MGLL: variants seen among roughly 807,000 people sequenced by gnomAD.
MGLL encodes lysophospholipase homolog.
Under a neutral mutation model 29.1 loss-of-function variants are expected in MGLL, and 7 were observed. The ratio of observed to expected loss-of-function variants is 0.24; its 90% CI spans 0.14 to 0.45. The LOEUF (loss-of-function observed/expected upper bound fraction) is 0.45. Among genes scored for constraint, MGLL ranks in the 20% least tolerant of loss-of-function variants. The pLI is 0.99. For missense variants in MGLL, 356 were observed against 413.6 expected, an observed-to-expected ratio of 0.86 and a Z score of 1.21; for synonymous variants, 148 against 168.3, an observed-to-expected ratio of 0.88 and a Z score of 0.93.
In MGLL at chr3:127,821,841, A is replaced by G. The variant is rs770375280; in HGVS notation, c.11-3T>C. On this transcript the variant is annotated splice_polypyrimidine_tract_variant and splice_region_variant and intron_variant, in intron 1 of 7. Coordinates refer to ENST00000265052, the MANE Select transcript of MGLL (RefSeq NM_007283.7). ...CATGCTGGAAGGGTCTTCAGGTCCT[A>G]GAAGGAAAAGTGACATATTCCAAAG... 1 of 1,613,234 alleles carries G rather than the reference A, an allele frequency of 6.2e-7. No homozygotes were observed. The highest frequency in any genetic ancestry group is 1.1e-5 in the South Asian group (1 of 91,044).
At chr3:127,748,635 A>G (rs962931067) in intron 3 of MGLL, among the ~76,000 whole-genome samples, 1 of 151,596 alleles carries the variant, frequency 6.6e-6, no homozygotes, top group Non-Finnish European at 1.5e-5. Flanking sequence ...GGACACAGGG[A>G]GAAGACGGCC....
At chr3:127,730,027 T>A (rs1359351855) in intron 3 of MGLL, among the ~76,000 whole-genome samples, 2 of 152,216 alleles carry the variant, frequency 1.3e-5, no homozygotes, top group Non-Finnish European at 2.9e-5. Context: ...CTCCTTCACA[T>A]AGCGGTTAAA....
chr3:127,779,226 G>T (rs2077084479), intron 3 of MGLL, among the ~76,000 whole-genome samples: 1 of 152,102 alleles, frequency 6.6e-6, no homozygotes, highest in African/African-American at 2.4e-5. Context: ...AATTAGCCGG[G>T]CATAGTGGCA....
chr3:127,788,568 AC>A (rs916614279), intron 2 of MGLL, among the ~76,000 whole-genome samples: 2 of 151,730 alleles, frequency 1.3e-5, no homozygotes, highest in Non-Finnish European at 2.9e-5. Flanking sequence ...CCCCTACCCT[AC>A]CCTGTACTGC....
chr3:127,695,874 TG>T (rs2075350236), intron 6 of MGLL, among the ~76,000 whole-genome samples: 1 of 152,274 alleles, frequency 6.6e-6, no homozygotes, highest in Non-Finnish European at 1.5e-5. Context: ...ACTTGATTTT[TG>T]TTCTCTGTCT....
chr3:127,815,510 G>C (rs890669091), intron 2 of MGLL, among the ~76,000 whole-genome samples: 1 of 152,206 alleles, frequency 6.6e-6, no homozygotes, highest in South Asian at 2.1e-4. Flanking sequence ...GCCATGACGC[G>C]GCCTTCTTTG....
At chr3:127,756,854 G>A (rs1457499253) in intron 3 of MGLL, among the ~76,000 whole-genome samples, 1 of 152,104 alleles carries the variant, frequency 6.6e-6, no homozygotes. Flanking sequence ...AAACCACCAT[G>A]GCTGCTACCC....
intron 6 of MGLL, among the ~76,000 whole-genome samples, chr3:127,710,228 C>G (rs1433622559): frequency 2.0e-5 from 3 of 152,196 alleles, no homozygotes; most frequent in Non-Finnish European, 1.5e-5. Context: ...GCCCTGGATC[C>G]AGCCATGTCT....
At chr3:127,724,438 C>G (rs1447998815) in intron 3 of MGLL, among the ~76,000 whole-genome samples, 3 of 152,132 alleles carry the variant, frequency 2.0e-5, no homozygotes, top group Non-Finnish European at 4.4e-5. Context: ...GTGGATGGAC[C>G]ATGTTGTGTT....
intron 2 of MGLL, among the ~76,000 whole-genome samples, chr3:127,797,711 G>A (rs565753595): frequency 1.3e-5 from 2 of 152,248 alleles, no homozygotes; most frequent in South Asian, 2.1e-4. Context: ...GGGCTCAAGC[G>A]GTCCTCCCAC....
upstream of MGLL, chr3:127,822,923 A>ACGCGCGCACACTCGGACACGCG (rs2077891153): frequency 6.4e-6 from 1 of 155,292 alleles, no homozygotes; most frequent in Non-Finnish European, 1.4e-5. Flanking sequence ...GCGCGCGCAC[A>ACGCGCGCACACTCGGACACGCG]CGCGCGCACA....
At chr3:127,694,284 A>ATATATATATAT (rs1181255759) in intron 7 of MGLL, among the ~76,000 whole-genome samples, 1 of 106,046 alleles carries the variant, frequency 9.4e-6, no homozygotes, top group African/African-American at 3.3e-5. Context: ...AAAAAAAAAA[A>ATATATATATAT]AAATATATAT....
intron 3 of MGLL, among the ~76,000 whole-genome samples, chr3:127,747,735 G>A (rs961959236): frequency 2.0e-5 from 3 of 152,300 alleles, no homozygotes; most frequent in South Asian, 2.1e-4. Flanking sequence ...CTTGAGACAG[G>A]AGCTTCCACG....
Position 127,783,409 on chromosome 3 carries a change from G to A in MGLL, c.156-1514C>T, listed in dbSNP as rs996251382. ...TGCTGACCGTCACTCTGGTTCTCTA[G>A]TTGCCTGCCTGCTTCCTGATGCCCC... On this transcript the variant is annotated intron_variant, in intron 2 of 7. Coordinates refer to ENST00000265052, the MANE Select transcript of MGLL (RefSeq NM_007283.7). Among the ~76,000 whole-genome samples, 10 of 152,196 alleles carry A rather than the reference G, an allele frequency of 6.6e-5. 1 individual carries two copies. The South Asian group carries it at 2.1e-3, about 32-fold the overall frequency.
Position 127,761,301 on chromosome 3 carries a change from C to T in MGLL, c.262+20488G>A, listed in dbSNP as rs1350744835. Among the ~76,000 whole-genome samples the T allele has an allele frequency of 6.6e-6, 1 of 152,134 alleles. No individual in the cohort carries two copies. The highest frequency in any genetic ancestry group is 1.5e-5 in the Non-Finnish European group (1 of 67,962). ...CACTTTCCAGGGCCCACTGGGCAAA[C>T]TGGCTTCTCCCCTGCTGCTGTGTCT... On this transcript the variant is annotated intron_variant, in intron 3 of 7. Coordinates refer to ENST00000265052, the MANE Select transcript of MGLL (RefSeq NM_007283.7). This position sits in a 1 kb window ranked among gnomAD's most constrained non-coding sequence, Gnocchi z 4.6.
At chr3:127,748,822 C>T (rs1441064869) in intron 3 of MGLL, among the ~76,000 whole-genome samples, 4 of 152,212 alleles carry the variant, frequency 2.6e-5, no homozygotes, top group Non-Finnish European at 2.9e-5. Flanking sequence ...TTTTCATTTA[C>T]GCTCCAACAG....
At chr3:127,807,605 ACT>A (rs2077588721) in intron 2 of MGLL, among the ~76,000 whole-genome samples, 1 of 151,818 alleles carries the variant, frequency 6.6e-6, no homozygotes, top group African/African-American at 2.4e-5. Context: ...CTGGTTGGTA[ACT>A]CTGTCAGTGA....
intron 2 of MGLL, among the ~76,000 whole-genome samples, chr3:127,792,798 G>A (rs568689244): frequency 4.8e-4 from 73 of 152,256 alleles, no homozygotes; most frequent in African/African-American, 1.7e-3. Flanking sequence ...CCTCTCCTGC[G>A]TGTGCATGTT....
rs9759081 is a variant in MGLL at position 127,740,911 on chromosome 3, A to C, written c.263-18345T>G. 3.9e-5 allele frequency among the ~76,000 whole-genome samples: 6 copies of C among 152,090 alleles called. No homozygotes were observed. In the East Asian group the frequency reaches 9.7e-4, roughly 24 times the overall value. ...GGCCTAGGGGAGTAGAACGCCCCCA[A>C]AGCAGTGCAAGCTTTCCCTGGGGCT... On this transcript the variant is annotated intron_variant, in intron 3 of 7. Coordinates refer to ENST00000265052, the MANE Select transcript of MGLL (RefSeq NM_007283.7).
Sources: gnomAD v4.1 joint callset for allele counts (sites outside exome capture counted in the v4.1 genomes callset) on GRCh38, gnomAD v4.1.1 for gene constraint, Gnocchi (gnomAD v3.1) non-coding constraint, MANE v1.5 for transcripts, NCBI Gene and HGNC (gene_info 2026-07-23, HGNC 2026-07-21) for gene names.